The following STK33 variants were observed in gnomAD, a reference collection of about 807,000 sequenced individuals.
STK33 encodes serine/threonine kinase 33.
A neutral mutation model predicts 58.0 loss-of-function variants in STK33; 52 were observed. That is an observed-to-expected ratio of 0.90 (90% CI 0.72 to 1.13). The LOEUF is 1.13. STK33 is among the 50% of genes most tolerant of loss of function. The pLI, the probability that STK33 is intolerant of heterozygous loss-of-function variation, is 0.00. For synonymous variants in STK33, 215 were observed against 200.1 expected, an observed-to-expected ratio of 1.07 and a Z score of -0.63; for missense variants, 630 against 604.2, an observed-to-expected ratio of 1.04 and a Z score of -0.45.
At chr11:8,536,801 C>A (rs955979437) in intron 1 of STK33, among the ~76,000 whole-genome samples, 1 of 150,898 alleles carries the variant, frequency 6.6e-6, no homozygotes. Context: ...TTTGAAGAGA[C>A]AAGGTCTCAC....
intron 1 of STK33, among the ~76,000 whole-genome samples, chr11:8,509,620 G>C (rs1421526507): frequency 6.6e-6 from 1 of 152,108 alleles, no homozygotes; most frequent in East Asian, 1.9e-4. Flanking sequence ...CCCTAGCAGA[G>C]TACACTGTAC....
At chr11:8,469,914 T>A (rs1241384726) in intron 6 of STK33, among the ~76,000 whole-genome samples, 2 of 152,254 alleles carry the variant, frequency 1.3e-5, no homozygotes, top group Non-Finnish European at 2.9e-5. Flanking sequence ...CAGTAAACCA[T>A]GCTGTAAGCA....
intron 6 of STK33, among the ~76,000 whole-genome samples, chr11:8,470,001 C>T (rs781401866): frequency 2.6e-5 from 4 of 152,118 alleles, no homozygotes; most frequent in South Asian, 2.1e-4. Context: ...TTCTTAAGGC[C>T]CTAGGAATTT....
At chr11:8,526,640 G>GGTAT (rs1193630703) in intron 1 of STK33, among the ~76,000 whole-genome samples, 1 of 150,276 alleles carries the variant, frequency 6.7e-6, no homozygotes, top group Non-Finnish European at 1.5e-5. Context: ...TGAATACGAT[G>GGTAT]GTATATTCAT....
At chr11:8,427,439 G>GT (rs919262006) in intron 14 of STK33, among the ~76,000 whole-genome samples, 1 of 151,900 alleles carries the variant, frequency 6.6e-6, no homozygotes, top group African/African-American at 2.4e-5. Context: ...CTATTTGTCA[G>GT]TTTTTTTCTT....
intron 1 of STK33, among the ~76,000 whole-genome samples, chr11:8,566,203 C>G (rs1388713963): frequency 6.6e-6 from 1 of 152,164 alleles, no homozygotes; most frequent in Non-Finnish European, 1.5e-5. Context: ...CATTTACAAG[C>G]AAAGAAGTTA....
intron 1 of STK33, among the ~76,000 whole-genome samples, chr11:8,588,311 TGGAATGTTCCTTTGC>T (rs1194998785): frequency 6.6e-6 from 1 of 152,178 alleles, no homozygotes; most frequent in Non-Finnish European, 1.5e-5. Flanking sequence ...GTTAGCAATA[TGGAATGTTCCTTTGC>T]CTGGAATGTC....
intron 1 of STK33, among the ~76,000 whole-genome samples, chr11:8,558,291 A>G (rs1255376541): frequency 2.0e-5 from 3 of 152,190 alleles, no homozygotes; most frequent in African/African-American, 7.2e-5. Flanking sequence ...CACTATAAGG[A>G]AATACCTACA....
intron 8 of STK33, among the ~76,000 whole-genome samples, chr11:8,461,348 G>C (rs1399850671): frequency 6.6e-6 from 1 of 152,040 alleles, no homozygotes; most frequent in African/African-American, 2.4e-5. Context: ...GAAATATGAA[G>C]ATAAAACATA....
intron 13 of STK33, 105 bp from the exon 14 acceptor site, chr11:8,435,684 C>A: frequency 5.4e-6 from 3 of 554,742 alleles, no homozygotes; most frequent in South Asian, 9.4e-5. Flanking sequence ...AAGAAAGATG[C>A]CAAGTGTACA....
intron 1 of STK33, among the ~76,000 whole-genome samples, chr11:8,523,190 T>C (rs552193508): frequency 2.9e-4 from 44 of 152,282 alleles, no homozygotes; most frequent in Admixed American, 1.5e-3. Flanking sequence ...AGTGCCGAGA[T>C]TGCAGCCTCT....
chr11:8,550,845 A>C (rs2140559074), intron 1 of STK33, among the ~76,000 whole-genome samples: 1 of 151,972 alleles, frequency 6.6e-6, no homozygotes, highest in East Asian at 1.9e-4. Flanking sequence ...AGCCCTCCAA[A>C]CTGTTGCAAC....
chr11:8,440,831 A>G (rs1296036462), intron 11 of STK33, 78 bp from the exon 12 acceptor site: 2 of 1,348,020 alleles, frequency 1.5e-6, no homozygotes, highest in East Asian at 5.1e-5. Flanking sequence ...AGCATGAAAA[A>G]TGTGCTGATG....
At chr11:8,494,803 C>T (rs1565189531) in intron 1 of STK33, among the ~76,000 whole-genome samples, 1 of 152,106 alleles carries the variant, frequency 6.6e-6, no homozygotes, top group South Asian at 2.1e-4. Context: ...CATCTACAAC[C>T]ATCTGATCTT....
intron 1 of STK33, among the ~76,000 whole-genome samples, chr11:8,497,802 T>C (rs147768970): frequency 1.8e-4 from 28 of 152,276 alleles, no homozygotes; most frequent in Admixed American, 7.9e-4. Flanking sequence ...AAATAACCTA[T>C]CAACCAAGAA....
At chr11:8,442,432 G>A (rs1944876635) in intron 11 of STK33, among the ~76,000 whole-genome samples, 1 of 152,200 alleles carries the variant, frequency 6.6e-6, no homozygotes, top group Non-Finnish European at 1.5e-5. Flanking sequence ...CTCTTTCAGA[G>A]TCATCTTAAT....
the STK33 span, among the ~76,000 whole-genome samples, chr11:8,371,598 CCTTTCTCTTT>C: frequency 4.7e-5 from 5 of 106,870 alleles, no homozygotes; most frequent in Admixed American, 1.8e-4. Flanking sequence ...GAGGACTTTT[CCTTTCTCTTT>C]CTTTCTCTTT....
chr11:8,356,702 C>T, the STK33 span, among the ~76,000 whole-genome samples: 10 of 152,260 alleles, frequency 6.6e-5, no homozygotes, highest in East Asian at 3.9e-4. Flanking sequence ...CTGCCAATTC[C>T]GGCTGGGGCA....
chr11:8,449,037 C>T (rs1196848098), intron 11 of STK33, among the ~76,000 whole-genome samples: 1 of 151,724 alleles, frequency 6.6e-6, no homozygotes, highest in African/African-American at 2.4e-5. Context: ...AAAAAATGCT[C>T]ATCATCACTG....
Sources: gnomAD v4.1 joint callset for allele counts (sites outside exome capture counted in the v4.1 genomes callset) on GRCh38, gnomAD v4.1.1 for gene constraint, MANE v1.5 for transcripts, NCBI Gene and HGNC (gene_info 2026-07-23, HGNC 2026-07-21) for gene names.